FRMPD4: variants seen among roughly 807,000 people sequenced by gnomAD.
FRMPD4 encodes FERM and PDZ domain containing 4, also known as FERM and PDZ domain-containing protein 4.
A neutral mutation model predicts 94.1 loss-of-function variants in FRMPD4; 22 were observed. The ratio of observed to expected loss-of-function variants is 0.23; its 90% CI spans 0.17 to 0.33. FRMPD4 has a LOEUF of 0.33. Among genes scored for constraint, FRMPD4 ranks in the 10% least tolerant of loss-of-function variants. The pLI is 1.00. For missense variants in FRMPD4, 1,111 were observed against 1,339.9 expected (o/e 0.83, Z 2.67); for synonymous variants, 631 against 548.6 (o/e 1.15, Z -2.10).
At chrX:11,928,765 TACC>T (rs1187436736) in intron 3 of FRMPD4, among the ~76,000 whole-genome samples, 5 of 112,604 alleles carry the variant, frequency 4.4e-5, no homozygotes, top group Non-Finnish European at 9.4e-5. Context: ...ACTGGGTATA[TACC>T]CAATGGAATG....
intron 1 of FRMPD4, among the ~76,000 whole-genome samples, chrX:12,336,208 G>T (rs1390762475): frequency 9.0e-6 from 1 of 111,446 alleles, no homozygotes; most frequent in Non-Finnish European, 1.9e-5. Flanking sequence ...TCTTGCTTTA[G>T]CTCCCTCTGA....
At chrX:12,108,218 T>G (rs1466508803) in intron 3 of FRMPD4, among the ~76,000 whole-genome samples, 6 of 111,518 alleles carry the variant, frequency 5.4e-5, no homozygotes, top group Non-Finnish European at 9.4e-5. Context: ...GACTAACAGC[T>G]GATCTCTCGG....
chrX:12,679,812 T>C (rs922313161), intron 5 of FRMPD4, among the ~76,000 whole-genome samples: 1 of 111,711 alleles, frequency 9.0e-6, no homozygotes, highest in South Asian at 3.8e-4. Flanking sequence ...TTGCCTATAA[T>C]GGTGCCTTAG....
At chrX:12,322,708 G>C (rs1052608959) in intron 1 of FRMPD4, among the ~76,000 whole-genome samples, 6 of 111,383 alleles carry the variant, frequency 5.4e-5, no homozygotes, top group Non-Finnish European at 1.1e-4. Flanking sequence ...CATGTAGTGG[G>C]TAAGTCAGTC....
intron 2 of FRMPD4, among the ~76,000 whole-genome samples, chrX:12,524,069 T>A (rs754053996): frequency 6.3e-5 from 7 of 111,865 alleles, no homozygotes; most frequent in Non-Finnish European, 1.3e-4. Flanking sequence ...GCAGGAGGAT[T>A]ACTTGAGCCC....
At chrX:11,981,537 T>C (rs2054397084) in intron 3 of FRMPD4, among the ~76,000 whole-genome samples, 1 of 111,833 alleles carries the variant, frequency 8.9e-6, no homozygotes, top group Non-Finnish European at 1.9e-5. Context: ...ATACTCTTAA[T>C]TTCTAATTCT....
At chrX:11,844,747 T>A (rs898424933) in intron 1 of FRMPD4, among the ~76,000 whole-genome samples, 1 of 112,460 alleles carries the variant, frequency 8.9e-6, no homozygotes, top group South Asian at 3.6e-4. Context: ...TATAAATTAA[T>A]GTTTTAATCA....
intron 3 of FRMPD4, among the ~76,000 whole-genome samples, chrX:11,942,122 A>G (rs2147357456): frequency 9.0e-6 from 1 of 110,987 alleles, no homozygotes; most frequent in African/African-American, 3.3e-5. Context: ...AAAGAGTCAT[A>G]TTTTAGCATA....
At chrX:12,665,216 G>A (rs2059762975) in intron 4 of FRMPD4, among the ~76,000 whole-genome samples, 1 of 111,811 alleles carries the variant, frequency 8.9e-6, no homozygotes, top group Non-Finnish European at 1.9e-5. Flanking sequence ...GCCGTAGCAG[G>A]TGGATCACAA....
At chrX:12,146,477 CAG>C (rs1412715080) in intron 1 of FRMPD4, among the ~76,000 whole-genome samples, 2 of 103,452 alleles carry the variant, frequency 1.9e-5, no homozygotes, top group Non-Finnish European at 4.0e-5. Flanking sequence ...CACACACATA[CAG>C]AGACACACAC....
chrX:12,690,389 A>G, intron 8 of FRMPD4, 63 bp downstream of exon 8: 2 of 998,143 alleles, frequency 2.0e-6, no homozygotes, highest in Non-Finnish European at 1.4e-6. Context: ...GCCCAGTCCA[A>G]GATTTCTCCC....
chrX:11,983,799 A>G (rs941063876), intron 3 of FRMPD4, among the ~76,000 whole-genome samples: 10 of 111,830 alleles, frequency 8.9e-5, no homozygotes, highest in African/African-American at 3.2e-4. Context: ...AATAAAAAAT[A>G]TTAACTTTAT....
At chrX:12,307,260 A>C (rs1205498849) in intron 1 of FRMPD4, among the ~76,000 whole-genome samples, 1 of 112,381 alleles carries the variant, frequency 8.9e-6, no homozygotes, top group Non-Finnish European at 1.9e-5. Context: ...AAGAAGAAAC[A>C]ATGATAGGGA....
At chrX:12,390,938 A>C (rs2056466016) in intron 1 of FRMPD4, among the ~76,000 whole-genome samples, 1 of 111,653 alleles carries the variant, frequency 9.0e-6, no homozygotes, top group African/African-American at 3.3e-5. Flanking sequence ...CAACGACTTC[A>C]CTGTTGTTCA....
At chrX:12,127,565 T>G (rs181921881) in intron 3 of FRMPD4, among the ~76,000 whole-genome samples, 2,417 of 111,496 alleles carry the variant, frequency 0.022, 32 homozygotes, top group Non-Finnish European at 0.031. Context: ...GAGAGTTGGA[T>G]GGGGACACAG....
At chrX:11,873,084 A>C (rs2053763778) in intron 2 of FRMPD4, among the ~76,000 whole-genome samples, 1 of 111,136 alleles carries the variant, frequency 9.0e-6, no homozygotes, top group Non-Finnish European at 1.9e-5. Context: ...TTTTCTCTAC[A>C]CTCCCCACTG....
At chrX:12,539,926 G>A (rs993571086) in intron 2 of FRMPD4, among the ~76,000 whole-genome samples, 46 of 112,036 alleles carry the variant, frequency 4.1e-4, no homozygotes, top group African/African-American at 1.4e-3. Context: ...GAGCCACCGC[G>A]CCCAGCTTCA....
In FRMPD4 at chrX:12,707,960, A is replaced by G. The variant is rs2041909595; in HGVS notation, c.1470+309A>G. Among the ~76,000 whole-genome samples, 3 of 112,184 alleles carry G rather than the reference A, an allele frequency of 2.7e-5. No homozygotes were observed. The Admixed American group carries it at 2.8e-4, about 11-fold the overall frequency. On this transcript the variant is annotated intron_variant, in intron 13 of 16. Transcript: ENST00000675598. ...GATTTCTAGGTATAGAGTAGGGGAA[A>G]CTTTTCTGAACTAACTTTCTAGAAT...
chrX:12,619,599 C>G (rs759818015), intron 4 of FRMPD4, among the ~76,000 whole-genome samples: 5 of 112,014 alleles, frequency 4.5e-5, no homozygotes, highest in Non-Finnish European at 9.4e-5. Context: ...ACCACATCCC[C>G]CCGTGGAGTT....
Sources: gnomAD v4.1 joint callset for allele counts (sites outside exome capture counted in the v4.1 genomes callset) on GRCh38, gnomAD v4.1.1 for gene constraint, MANE v1.5 for transcripts, NCBI Gene and HGNC (gene_info 2026-07-23, HGNC 2026-07-21) for gene names.